The following CNST variants were observed in gnomAD, a reference collection of about 807,000 sequenced individuals.
CNST encodes the protein consortin.
A neutral mutation model predicts 72.4 loss-of-function variants in CNST; 39 were observed. The observed-to-expected ratio is 0.54, with a 90% CI of 0.42 to 0.70. The LOEUF (loss-of-function observed/expected upper bound fraction) is 0.70, where lower values mean the gene tolerates loss of function less well. Among genes scored for constraint, CNST ranks in the 30% least tolerant of loss-of-function variants. CNST has a pLI of 0.00. For synonymous variants in CNST, 332 were observed against 320.1 expected (o/e 1.04, Z -0.40); for missense variants, 871 against 868.5 (o/e 1.00, Z -0.04).
Position 246,664,628 on chromosome 1 carries a change from G to A in CNST, c.1973-1072G>A, listed in dbSNP as rs192616004. Among the ~76,000 whole-genome samples the A allele has an allele frequency of 1.7e-3, 257 of 151,844 alleles. 2 individuals carry two copies. Among genetic ancestry groups the A allele is most frequent in the East Asian group, 3.9e-3 (20 of 5,146 alleles). Reference sequence around the variant, plus strand: ...TTTTTAGTAGAGACGGGGTTTCACCGTGTCAGCCAGGATGGTCTCGATCTC... The same window carrying A: ...TTTTTAGTAGAGACGGGGTTTCACCATGTCAGCCAGGATGGTCTCGATCTC... On this transcript the variant is annotated intron_variant, in intron 10 of 10. Transcript: ENST00000366513.
chr1:246,612,155 A>G (rs1436103005), intron 2 of CNST, among the ~76,000 whole-genome samples: 1 of 152,194 alleles, frequency 6.6e-6, no homozygotes, highest in East Asian at 1.9e-4. Flanking sequence ...GAATGATGAA[A>G]AGTTTTGGAA....
At chr1:246,567,292 G>T (rs1659769389) in intron 1 of CNST, among the ~76,000 whole-genome samples, 1 of 151,676 alleles carries the variant, frequency 6.6e-6, no homozygotes, top group African/African-American at 2.4e-5. Flanking sequence ...TGTGGAATGC[G>T]ATTTAAAAGA....
chr1:246,663,731 ACT>A (rs1667236167), intron 10 of CNST, among the ~76,000 whole-genome samples: 2 of 151,296 alleles, frequency 1.3e-5, no homozygotes, highest in East Asian at 1.9e-4. Context: ...CAAGAACAAG[ACT>A]CTGTCTCAAA....
chr1:246,661,324 G>T (rs1667094301), intron 10 of CNST, among the ~76,000 whole-genome samples: 1 of 151,926 alleles, frequency 6.6e-6, no homozygotes. Flanking sequence ...TGCCATGTTG[G>T]CCAGGCTAGT....
intron 3 of CNST, among the ~76,000 whole-genome samples, chr1:246,622,664 C>T (rs1421849051): frequency 6.6e-6 from 1 of 152,046 alleles, no homozygotes; most frequent in African/African-American, 2.4e-5. Context: ...AAGAAGAACT[C>T]TTTTGAGGAT....
In CNST at chr1:246,566,603, A is replaced by G; in HGVS notation, c.-112A>G. 1 of 404,166 alleles carries G rather than the reference A, an allele frequency of 2.5e-6. No homozygotes were observed. Among genetic ancestry groups the G allele is most frequent in the Non-Finnish European group, 4.4e-6 (1 of 228,518 alleles). The allele number at this position is 404,166 out of a possible 1,614,324, so 25.0% of individuals were successfully genotyped here. ...CAGCACGTCGGCCGCCATGTCGCCG[A>G]GTGGGGCTGGAAACAGACCCGGCGC... On this transcript the variant is annotated 5_prime_UTR_variant, in exon 1 of 11. Coordinates refer to ENST00000366513, the MANE Select transcript of CNST (RefSeq NM_152609.3).
At chr1:246,590,859 CTTT>C (rs373861233) in intron 1 of CNST, among the ~76,000 whole-genome samples, 7 of 135,784 alleles carry the variant, frequency 5.2e-5, no homozygotes, top group Non-Finnish European at 7.8e-5. Context: ...TAACCATGGC[CTTT>C]TTTTTTTTTT....
intron 8 of CNST, among the ~76,000 whole-genome samples, chr1:246,642,724 A>G (rs1354209822): frequency 3.4e-5 from 5 of 145,638 alleles, no homozygotes; most frequent in African/African-American, 1.0e-4. Context: ...ATTAATATAT[A>G]TTTCTAGGCT....
intron 7 of CNST, 63 bp downstream of exon 7, chr1:246,641,833 A>G (rs1166658686): frequency 2.4e-6 from 3 of 1,244,414 alleles, no homozygotes; most frequent in African/African-American, 3.0e-5. Context: ...TGTCTGTTGT[A>G]TGGACTATTT....
At chr1:246,654,117 A>G (rs1043626609) in intron 9 of CNST, among the ~76,000 whole-genome samples, 1 of 152,212 alleles carries the variant, frequency 6.6e-6, no homozygotes, top group African/African-American at 2.4e-5. Context: ...TAAAGGCTGT[A>G]CTACTCGACA....
Position 246,634,547 on chromosome 1 carries a change from G to A in CNST, c.778G>A (p.Asp260Asn). Reference sequence around the variant, plus strand: ...TTCAGAAAAGGGATTTAATGGTGAAGATTTTGAACGGCTTACGAAAATTTG... The same window carrying A: ...TTCAGAAAAGGGATTTAATGGTGAAAATTTTGAACGGCTTACGAAAATTTG... ...RNSEKGFNGE[D>N]FERLTKICAT... Residue 260 changes from aspartate (D) to asparagine (N), a missense_variant, in exon 6 of 11, where the codon GAT (aspartate) becomes AAT (asparagine). Coordinates refer to ENST00000366513, the MANE Select transcript of CNST (RefSeq NM_152609.3). 6.2e-7 allele frequency: 1 copy of A among 1,608,766 alleles called. No homozygotes were observed. The highest frequency in any genetic ancestry group is 8.5e-7 in the Non-Finnish European group (1 of 1,178,892).
rs758939111 is a variant in CNST, at chr1:246,647,876, A to G, written c.1675A>G (p.Thr559Ala). The G allele has an allele frequency of 2.5e-6, 4 of 1,614,152 alleles. No homozygotes were observed. Among genetic ancestry groups the G allele is most frequent in the Non-Finnish European group, 1.7e-6 (2 of 1,180,036 alleles). ...CCTTTTAGAAGGATGTTTAAAAGAT[A>G]CTGAAGATTCCCTTTCCTATGAAGA... Reference protein sequence around the residue: ...NSLLEGCLKDTEDSLSYEDNQ... With the variant: ...NSLLEGCLKDAEDSLSYEDNQ... The change falls in exon 9 of 11, where the codon ACT (threonine) becomes GCT (alanine). Residue 559 changes from threonine to alanine, a missense_variant. By Grantham distance (58) the Thr-to-Ala change is moderately conservative. Coordinates refer to ENST00000366513, the MANE Select transcript of CNST (RefSeq NM_152609.3).
chr1:246,650,676 CT>C (rs10693662), intron 9 of CNST, among the ~76,000 whole-genome samples: 27 of 127,638 alleles, frequency 2.1e-4, no homozygotes, highest in East Asian at 6.7e-4. Flanking sequence ...TTAATTCAAA[CT>C]TTTTTTTTTT....
At chr1:246,651,136 A>AT (rs199541587) in intron 9 of CNST, among the ~76,000 whole-genome samples, 11 of 151,542 alleles carry the variant, frequency 7.3e-5, no homozygotes, top group African/African-American at 1.5e-4. Context: ...TGTTTTTGAA[A>AT]TTTTTTTTTA....
intron 3 of CNST, among the ~76,000 whole-genome samples, chr1:246,627,462 C>T (rs1216561692): frequency 6.6e-6 from 1 of 152,178 alleles, no homozygotes; most frequent in African/African-American, 2.4e-5. Context: ...AGGTGATGTG[C>T]TCCAGCAAAA....
Position 246,647,394 on chromosome 1 carries a change from G to A in CNST, c.1193G>A (p.Ser398Asn). 3 of 1,614,178 alleles carry A rather than the reference G, an allele frequency of 1.9e-6. No homozygotes were observed. The highest frequency in any genetic ancestry group is 2.5e-6 in the Non-Finnish European group (3 of 1,180,044). ...TCTGAGGATGCTTGTGAGGATGACA[G>A]TCGCTTGCAGCTGGCTCAAACAGAG... The part of the protein sequence containing the change: ...DSSEDACEDD[S>N]RLQLAQTEAC... The change falls in exon 9 of 11, where the codon AGT becomes AAT. Residue 398 changes from serine (S) to asparagine (N), a missense_variant. Ser to Asn is a conservative substitution (Grantham distance 46). Transcript: ENST00000366513.
At chr1:246,584,888 C>G (rs1226013812) in intron 1 of CNST, among the ~76,000 whole-genome samples, 1 of 152,156 alleles carries the variant, frequency 6.6e-6, no homozygotes, top group Non-Finnish European at 1.5e-5. Context: ...GACGTGATCT[C>G]TTGTATGCCT....
At position 246,583,555 on chromosome 1, in the gene CNST, GTCTC is replaced by G. The variant is rs1279039344; in HGVS notation, c.-51-7951_-51-7948del. Among the ~76,000 whole-genome samples, 4 of 152,174 alleles carry G rather than the reference GTCTC, an allele frequency of 2.6e-5. No individual in the cohort carries two copies. The South Asian group carries it at 8.3e-4, about 32-fold the overall frequency. ...CCTCAGGGCATGTTGTGTCTCATCT[GTCTC>G]TCTCTTGCCTCATTGTATTTAGTAT... On this transcript the variant is annotated intron_variant, in intron 1 of 10. Coordinates refer to ENST00000366513, the MANE Select transcript of CNST (RefSeq NM_152609.3).
chr1:246,665,026 T>C (rs1053630385), intron 10 of CNST, among the ~76,000 whole-genome samples: 1 of 152,198 alleles, frequency 6.6e-6, no homozygotes, highest in Non-Finnish European at 1.5e-5. Context: ...AGTCCCATTA[T>C]GTGAACCCCA....
Sources: allele counts gnomAD v4.1 joint callset (sites outside exome capture counted in the v4.1 genomes callset), GRCh38; gene constraint gnomAD v4.1.1; transcripts MANE v1.5; gene names NCBI Gene and HGNC (gene_info 2026-07-23, HGNC 2026-07-21).